Variants in ABCG1 observed in about 807,000 individuals in gnomAD.
ABCG1 encodes the protein ATP binding cassette subfamily G member 1, also known as ATP-binding cassette sub-family G member 1.
In ABCG1, 29 loss-of-function variants were observed where a neutral mutation model predicts 69.2. The ratio of observed to expected loss-of-function variants is 0.42; its 90% CI spans 0.31 to 0.57. ABCG1 has a LOEUF of 0.57. Ranked by LOEUF, ABCG1 falls within the 20% of genes least tolerant of loss-of-function variation. ABCG1 has a pLI of 0.15. For synonymous variants in ABCG1, 370 were observed against 374.8 expected (o/e 0.99, Z 0.15); for missense variants, 718 against 898.1 (o/e 0.80, Z 2.56).
intron 2 of ABCG1, among the ~76,000 whole-genome samples, chr21:42,232,309 T>C (rs1006926658): frequency 6.6e-6 from 1 of 152,192 alleles, no homozygotes; most frequent in Non-Finnish European, 1.5e-5. Flanking sequence ...GCACATTTTC[T>C]CCCTGTGAGC....
chr21:42,203,339 A>G (rs921710743), intron 2 of ABCG1, among the ~76,000 whole-genome samples: 4 of 152,096 alleles, frequency 2.6e-5, no homozygotes, highest in African/African-American at 4.8e-5. Flanking sequence ...TCAATTTTTC[A>G]TTTTATGGGT....
At chr21:42,248,077 G>A (rs1168517703) in intron 2 of ABCG1, among the ~76,000 whole-genome samples, 1 of 152,222 alleles carries the variant, frequency 6.6e-6, no homozygotes, top group African/African-American at 2.4e-5. Flanking sequence ...AGATGGTCAT[G>A]AGAGAGCAAC....
intron 4 of ABCG1, among the ~76,000 whole-genome samples, chr21:42,275,384 C>T (rs891557492): frequency 6.6e-6 from 1 of 152,198 alleles, no homozygotes; most frequent in Non-Finnish European, 1.5e-5. Context: ...AATGGATGTT[C>T]AGATGGGGCG....
Position 42,230,935 on chromosome 21 carries a change from T to G in ABCG1, c.286+5021T>G, listed in dbSNP as rs761055295. ...GAACTCAGAACCAGGTCTGTGGGAT[T>G]TCAGGCCAAAAAGGAGCGTAGCAAG... On this transcript the variant is annotated intron_variant, in intron 2 of 14. Coordinates refer to ENST00000398449, the MANE Select transcript of ABCG1 (RefSeq NM_016818.3). 4.4e-4 allele frequency among the ~76,000 whole-genome samples: 67 copies of G among 152,168 alleles called. 1 individual carries two copies. The highest frequency in any genetic ancestry group is 1.6e-3 in the African/African-American group (66 of 41,436).
chr21:42,212,886 G>T (rs536563968), upstream of ABCG1, among the ~76,000 whole-genome samples: 102 of 152,112 alleles, frequency 6.7e-4, no homozygotes, highest in Middle Eastern at 0.014. Context: ...GTAGAGATGG[G>T]GTTTCACCAT....
chr21:42,267,845 C>T (rs200191412), intron 2 of ABCG1, among the ~76,000 whole-genome samples: 2 of 121,302 alleles, frequency 1.6e-5, no homozygotes, highest in Non-Finnish European at 1.7e-5. Flanking sequence ...GGTCTGGGTT[C>T]TGTCTGGGTC....
chr21:42,259,987 A>C, intron 2 of ABCG1: 1 of 1,523,714 alleles, frequency 6.6e-7, no homozygotes, highest in Non-Finnish European at 8.8e-7. Context: ...TGGTTTCTTC[A>C]GGCCAGTGCG....
intron 5 of ABCG1, among the ~76,000 whole-genome samples, chr21:42,280,030 G>A (rs1034787844): frequency 3.3e-5 from 5 of 152,222 alleles, no homozygotes; most frequent in Non-Finnish European, 7.3e-5. Context: ...AGCCCCTGGC[G>A]CCGTCCTCAG....
chr21:42,279,131 C>CA (rs2068761101), intron 5 of ABCG1, among the ~76,000 whole-genome samples: 1 of 152,086 alleles, frequency 6.6e-6, no homozygotes, highest in Non-Finnish European at 1.5e-5. Context: ...GATAGCCCTC[C>CA]ATCGAGGTCC....
intron 2 of ABCG1, among the ~76,000 whole-genome samples, chr21:42,262,972 C>A (rs924041459): frequency 5.9e-5 from 9 of 152,228 alleles, no homozygotes; most frequent in African/African-American, 2.2e-4. Context: ...GCCTGTGCCT[C>A]CTTCAAGGGC....
chr21:42,245,029 C>G (rs1391186147), intron 2 of ABCG1, among the ~76,000 whole-genome samples: 2 of 152,240 alleles, frequency 1.3e-5, no homozygotes, highest in South Asian at 2.1e-4. Flanking sequence ...CATGTCCCAG[C>G]TCTGCCCCCA....
At chr21:42,257,318 A>G (rs1211157806) in intron 2 of ABCG1, among the ~76,000 whole-genome samples, 5 of 152,244 alleles carry the variant, frequency 3.3e-5, no homozygotes, top group African/African-American at 1.2e-4. Context: ...TTGGGAACCC[A>G]GCTGGGCTGG....
chr21:42,233,702 G>T (rs1008596679), intron 2 of ABCG1, among the ~76,000 whole-genome samples: 4 of 152,250 alleles, frequency 2.6e-5, no homozygotes, highest in African/African-American at 4.8e-5. Flanking sequence ...CATGGCCCTT[G>T]CAGGAAATGA....
intron 2 of ABCG1, among the ~76,000 whole-genome samples, chr21:42,227,558 C>T (rs1031148970): frequency 2.0e-5 from 3 of 152,160 alleles, no homozygotes; most frequent in Non-Finnish European, 2.9e-5. Flanking sequence ...GAAATGAAGA[C>T]ATCTGAAACC....
chr21:42,204,703 T>C (rs1310416579), intron 2 of ABCG1, among the ~76,000 whole-genome samples: 1 of 152,224 alleles, frequency 6.6e-6, no homozygotes, highest in Admixed American at 6.5e-5. Flanking sequence ...AGTGTAGTAG[T>C]CTTGCTGTGT....
Position 42,273,217 on chromosome 21 carries a change from C to G in ABCG1, c.405-86C>G. The G allele has an allele frequency of 6.6e-7, 1 of 1,519,014 alleles. No homozygotes were observed. Among genetic ancestry groups the G allele is most frequent in the Non-Finnish European group, 8.8e-7 (1 of 1,133,806 alleles). The allele number at this position is 1,519,014 out of a possible 1,614,324, so 94.1% of individuals were successfully genotyped here. A position where few individuals can be genotyped will look rare whatever the true frequency, so the allele number is the denominator to read the frequency against. ...TGGGAAGATGCTGGGAGGCAAGCCC[C>G]CGTCTCTGGCTCCCCTCTCCTGCCC... On this transcript the variant is annotated intron_variant, in intron 3 of 14. Transcript: ENST00000398449. The surrounding 1 kb of genome is among the most constrained non-coding windows in gnomAD (Gnocchi z 5.3).
chr21:42,225,495 G>A (rs901295526), intron 1 of ABCG1, among the ~76,000 whole-genome samples, 176 bp from the exon 2 acceptor site: 2 of 152,186 alleles, frequency 1.3e-5, no homozygotes, highest in Admixed American at 6.5e-5. Flanking sequence ...AAAATGTGAC[G>A]GAGATGACAA....
At chr21:42,293,072 CACACACCACACACACT>C (rs1201901275) in intron 13 of ABCG1, among the ~76,000 whole-genome samples, 7 of 72,758 alleles carry the variant, frequency 9.6e-5, no homozygotes, top group Admixed American at 2.7e-4. Context: ...CCACACTACA[CACACACCACACACACT>C]ACACACCACA....
At chr21:42,220,176 GC>G in intron 1 of ABCG1, 1 of 750,140 alleles carries the variant, frequency 1.3e-6, no homozygotes, top group Non-Finnish European at 2.2e-6. Flanking sequence ...TCATGTCTAC[GC>G]CCAGCACACC....
Sources: allele counts gnomAD v4.1 joint callset (sites outside exome capture counted in the v4.1 genomes callset), GRCh38; gene constraint gnomAD v4.1.1; non-coding constraint Gnocchi (gnomAD v3.1); transcripts MANE v1.5; gene names NCBI Gene and HGNC (gene_info 2026-07-23, HGNC 2026-07-21).